XKR4: variants seen among roughly 807,000 people sequenced by gnomAD.
XKR4 encodes XK-related protein 4.
Under a neutral mutation model 53.9 loss-of-function variants are expected in XKR4, and 12 were observed. The observed-to-expected ratio is 0.22, with a 90% CI of 0.14 to 0.36. The LOEUF is 0.36. Among genes scored for constraint, XKR4 ranks in the 10% least tolerant of loss-of-function variants. XKR4 has a pLI of 1.00. For synonymous variants in XKR4, 354 were observed against 362.4 expected, an observed-to-expected ratio of 0.98 and a Z score of 0.26; for missense variants, 799 against 859.5, an observed-to-expected ratio of 0.93 and a Z score of 0.88.
rs151239220 is a variant in XKR4 at position 55,415,429 on chromosome 8, A to T, written c.1006+57552A>T. Among the ~76,000 whole-genome samples, 5 of 152,342 alleles carry T rather than the reference A, an allele frequency of 3.3e-5. No individual in the cohort carries two copies. The East Asian group carries it at 9.6e-4, about 29-fold the overall frequency. ...GTCAGAAGCTAAATACATAACAGCA[A>T]AGTTATCTTCATGTAATGTAGGAAA... On this transcript the variant is annotated intron_variant, in intron 2 of 2. Coordinates refer to ENST00000327381, the MANE Select transcript of XKR4 (RefSeq NM_052898.2).
intron 2 of XKR4, among the ~76,000 whole-genome samples, chr8:55,464,773 G>A (rs1182342885): frequency 2.6e-5 from 4 of 152,138 alleles, no homozygotes; most frequent in Non-Finnish European, 2.9e-5. Flanking sequence ...AAGCTGATAA[G>A]CAACTTCAGC....
In XKR4 at chr8:55,357,723, G is replaced by C; in HGVS notation, c.852G>C (p.Gly284=). 2 of 1,614,168 alleles carry C rather than the reference G, an allele frequency of 1.2e-6. No individual in the cohort carries two copies. The highest frequency in any genetic ancestry group is 1.7e-6 in the Non-Finnish European group (2 of 1,180,020). ...IYLGIRSRQS[G]ENDRWRFYWK... is the part of the protein sequence containing the mutation. ...TAGGTATTCGAAGCCGACAGAGTGG[G>C]GAGAATGACAGATGGAGGTTTTACT... Residue 284 remains glycine, a synonymous_variant, in exon 2 of 3, where the codon GGG becomes GGC. Transcript: ENST00000327381.
intron 2 of XKR4, among the ~76,000 whole-genome samples, chr8:55,383,762 A>T (rs1052816124): frequency 6.6e-6 from 1 of 152,134 alleles, no homozygotes; most frequent in Non-Finnish European, 1.5e-5. Context: ...GATTGGGTAG[A>T]TCCTTTATTA....
At chr8:55,342,906 G>T (rs2939631) in intron 1 of XKR4, among the ~76,000 whole-genome samples, 20 of 152,234 alleles carry the variant, frequency 1.3e-4, no homozygotes, top group African/African-American at 4.6e-4. Context: ...ATTTGCTGCT[G>T]TATTCCCTCG....
chr8:55,483,216 C>A (rs967824045), intron 2 of XKR4, among the ~76,000 whole-genome samples: 1 of 152,136 alleles, frequency 6.6e-6, no homozygotes, highest in Non-Finnish European at 1.5e-5. Flanking sequence ...AGCATCATCA[C>A]TTCTTATTAT....
intron 2 of XKR4, among the ~76,000 whole-genome samples, chr8:55,373,968 G>C (rs1435390377): frequency 6.6e-6 from 1 of 152,188 alleles, no homozygotes; most frequent in Non-Finnish European, 1.5e-5. Context: ...TCAGATAAGA[G>C]CAGGTCAGGA....
At chr8:55,287,726 G>A (rs987646843) in intron 1 of XKR4, among the ~76,000 whole-genome samples, 7 of 152,148 alleles carry the variant, frequency 4.6e-5, no homozygotes, top group South Asian at 4.1e-4. Context: ...CGCCATCCCC[G>A]TTCTCCCTAA....
intron 1 of XKR4, among the ~76,000 whole-genome samples, chr8:55,260,096 C>G (rs1446091352): frequency 6.6e-6 from 1 of 152,158 alleles, no homozygotes; most frequent in Non-Finnish European, 1.5e-5. Context: ...GATTTTTTCA[C>G]TGGCTGTATC....
chr8:55,481,680 A>C (rs1806109299), intron 2 of XKR4, among the ~76,000 whole-genome samples: 1 of 152,042 alleles, frequency 6.6e-6, no homozygotes, highest in South Asian at 2.1e-4. Context: ...ATCTACAATG[A>C]ACTCAAATCA....
At chr8:55,350,717 GTTTTCTTTTCT>G (rs1211048486) in intron 1 of XKR4, among the ~76,000 whole-genome samples, 7 of 147,490 alleles carry the variant, frequency 4.7e-5, no homozygotes, top group Non-Finnish European at 1.1e-4. Context: ...TAGAGATTAT[GTTTTCTTTTCT>G]TTTTCTTTTC....
intron 2 of XKR4, among the ~76,000 whole-genome samples, chr8:55,487,751 G>T (rs1226735955): frequency 6.6e-6 from 1 of 152,172 alleles, no homozygotes; most frequent in African/African-American, 2.4e-5. Flanking sequence ...TTGATTACAG[G>T]CGTAAGCCAC....
chr8:55,445,281 T>TC (rs1264951436), intron 2 of XKR4, among the ~76,000 whole-genome samples: 1 of 152,042 alleles, frequency 6.6e-6, no homozygotes, highest in Non-Finnish European at 1.5e-5. Context: ...ATGGTCTCGA[T>TC]CTCCTGACCT....
chr8:55,231,837 T>C (rs1443237942), intron 1 of XKR4, among the ~76,000 whole-genome samples: 3 of 152,070 alleles, frequency 2.0e-5, no homozygotes, highest in African/African-American at 7.2e-5. Flanking sequence ...CACTCCAGTC[T>C]CTTAAATTGG....
chr8:55,443,530 TAAAAAAAAAAAA>T (rs751152509), intron 2 of XKR4, among the ~76,000 whole-genome samples: 12 of 74,028 alleles, frequency 1.6e-4, no homozygotes, highest in African/African-American at 5.0e-4. Context: ...TCAGTTACAT[TAAAAAAAAAAAA>T]AAAAAAAAAA....
chr8:55,147,136 GT>G (rs1237377509), intron 1 of XKR4, among the ~76,000 whole-genome samples: 1 of 152,134 alleles, frequency 6.6e-6, no homozygotes, highest in African/African-American at 2.4e-5. Flanking sequence ...TCAAGCATTT[GT>G]TTTTCAGTGT....
At chr8:55,186,916 TTATATGAGC>T (rs1034444676) in intron 1 of XKR4, among the ~76,000 whole-genome samples, 4 of 152,104 alleles carry the variant, frequency 2.6e-5, no homozygotes, top group African/African-American at 9.7e-5. Context: ...GAACAAGCAA[TTATATGAGC>T]TATGATTACT....
chr8:55,128,850 T>C (rs899549498), intron 1 of XKR4, among the ~76,000 whole-genome samples: 1 of 152,188 alleles, frequency 6.6e-6, no homozygotes, highest in Non-Finnish European at 1.5e-5. Context: ...CTGTCATCCA[T>C]GCAGCAGTAC....
At chr8:55,256,666 A>G (rs1818442977) in intron 1 of XKR4, among the ~76,000 whole-genome samples, 1 of 152,186 alleles carries the variant, frequency 6.6e-6, no homozygotes, top group Non-Finnish European at 1.5e-5. Flanking sequence ...GGATGAGGCA[A>G]GTCTGAGATG....
At chr8:55,326,129 G>T (rs1444223181) in intron 1 of XKR4, among the ~76,000 whole-genome samples, 1 of 152,170 alleles carries the variant, frequency 6.6e-6, no homozygotes, top group East Asian at 1.9e-4. Context: ...ATAATGAGGG[G>T]TATTTTGGAA....
Sources: gnomAD v4.1 joint callset for allele counts (sites outside exome capture counted in the v4.1 genomes callset) on GRCh38, gnomAD v4.1.1 for gene constraint, MANE v1.5 for transcripts, NCBI Gene and HGNC (gene_info 2026-07-23, HGNC 2026-07-21) for gene names.